The following CRIPTO variants were observed in gnomAD, a reference collection of about 807,000 sequenced individuals.
CRIPTO encodes protein Cripto.
chr3:46,580,162 A>G, the CRIPTO span: 1 of 1,492,306 alleles, frequency 6.7e-7, no homozygotes, highest in Non-Finnish European at 9.2e-7. Context: ...GTCTTGCTAG[A>G]GCCTGGCAGC....
the CRIPTO span, among the ~76,000 whole-genome samples, chr3:46,575,356 G>A: frequency 2.6e-5 from 4 of 152,050 alleles, no homozygotes; most frequent in Non-Finnish European, 5.9e-5. Flanking sequence ...CCAGCCCAAC[G>A]GCAAATATCT....
At chr3:46,578,626 T>C in the CRIPTO span, among the ~76,000 whole-genome samples, 1 of 152,046 alleles carries the variant, frequency 6.6e-6, no homozygotes, top group Non-Finnish European at 1.5e-5. Flanking sequence ...GGAGAATTGC[T>C]TGAACTGGGG....
chr3:46,580,744 T>A, the CRIPTO span, among the ~76,000 whole-genome samples: 1 of 152,086 alleles, frequency 6.6e-6, no homozygotes, highest in Non-Finnish European at 1.5e-5. Context: ...CTTGGAGATG[T>A]TAGAAATGGA....
chr3:46,578,384 C>A, the CRIPTO span, among the ~76,000 whole-genome samples: 7 of 133,428 alleles, frequency 5.2e-5, no homozygotes, highest in African/African-American at 1.6e-4. Flanking sequence ...AAAAAAAAAA[C>A]CCACATTTTT....
the CRIPTO span, chr3:46,581,238 A>T: frequency 6.2e-7 from 1 of 1,612,606 alleles, no homozygotes; most frequent in Non-Finnish European, 8.5e-7. Context: ...TTTCTATACA[A>T]AGCTACTATT....
the CRIPTO span, chr3:46,579,651 C>A: frequency 1.5e-6 from 2 of 1,377,658 alleles, no homozygotes; most frequent in Non-Finnish European, 2.1e-6. Context: ...TGATACAACA[C>A]ATTGGTGTTG....
the CRIPTO span, chr3:46,577,657 A>G: frequency 2.1e-6 from 1 of 482,302 alleles, no homozygotes; most frequent in Non-Finnish European, 3.7e-6. Flanking sequence ...GGCCATTGTC[A>G]TGCTGGTGGG....
At chr3:46,576,728 G>A in the CRIPTO span, among the ~76,000 whole-genome samples, 1 of 152,160 alleles carries the variant, frequency 6.6e-6, no homozygotes, top group East Asian at 1.9e-4. Context: ...TTTAGAAATT[G>A]GAATTAAATG....
chr3:46,576,100 T>C, the CRIPTO span, among the ~76,000 whole-genome samples: 1 of 152,152 alleles, frequency 6.6e-6, no homozygotes, highest in Non-Finnish European at 1.5e-5. Context: ...GAGTTGGAAA[T>C]GTTGCTGCAT....
the CRIPTO span, chr3:46,579,463 T>C: frequency 1.3e-6 from 2 of 1,596,332 alleles, no homozygotes; most frequent in Non-Finnish European, 1.7e-6. Context: ...CACCTGGTTC[T>C]GGAACTGTGC....
At chr3:46,579,611 T>C in the CRIPTO span, 1 of 1,252,358 alleles carries the variant, frequency 8.0e-7, no homozygotes, top group South Asian at 1.2e-5. Flanking sequence ...TGAAAATGAC[T>C]TCTCTGCTCA....
chr3:46,579,072 C>T, the CRIPTO span: 4,262 of 1,613,954 alleles, frequency 2.6e-3, 66 homozygotes, highest in African/African-American at 0.039. Flanking sequence ...TTGGCTAACT[C>T]ATGTCTGACT....
the CRIPTO span, chr3:46,579,906 G>A: frequency 6.8e-6 from 11 of 1,614,054 alleles, no homozygotes; most frequent in Non-Finnish European, 4.2e-6. Context: ...AAAGGGAAGT[G>A]GAAATTTCAG....
chr3:46,576,249 C>T, the CRIPTO span, among the ~76,000 whole-genome samples: 1 of 152,038 alleles, frequency 6.6e-6, no homozygotes, highest in South Asian at 2.1e-4. Flanking sequence ...GCGGGTGGAT[C>T]ATGAGGTCAG....
the CRIPTO span, chr3:46,577,206 G>A: frequency 1.3e-5 from 2 of 152,422 alleles, no homozygotes; most frequent in Non-Finnish European, 2.9e-5. Context: ...CAAGTCTGGA[G>A]CCCCCAAGGA....
At chr3:46,580,592 C>A in the CRIPTO span, among the ~76,000 whole-genome samples, 5,325 of 152,124 alleles carry the variant, frequency 0.035, 214 homozygotes, top group East Asian at 0.16. Flanking sequence ...CTTTCACCTT[C>A]TTGATTTTTA....
At chr3:46,579,383 T>G in the CRIPTO span, 4 of 1,614,036 alleles carry the variant, frequency 2.5e-6, no homozygotes, top group Non-Finnish European at 3.4e-6. Context: ...ACTGCCTGAC[T>G]TCGATGCTTC....
the CRIPTO span, chr3:46,580,242 T>C: frequency 9.1e-6 from 7 of 769,522 alleles, no homozygotes; most frequent in Admixed American, 2.4e-5. Flanking sequence ...TGATATTTAT[T>C]TCCTCGGGAA....
chr3:46,576,480 CAAAA>C, the CRIPTO span, among the ~76,000 whole-genome samples: 1,866 of 54,882 alleles, frequency 0.034, 46 homozygotes, highest in African/African-American at 0.16. Flanking sequence ...GACTCTGTCG[CAAAA>C]AAAAAAAAAA....
Sources: allele counts gnomAD v4.1 joint callset (sites outside exome capture counted in the v4.1 genomes callset), GRCh38; gene constraint gnomAD v4.1.1; transcripts MANE v1.5; gene names NCBI Gene and HGNC (gene_info 2026-07-23, HGNC 2026-07-21).